The following BAZ2B variants were observed in gnomAD, a reference collection of about 807,000 sequenced individuals.
The protein encoded by BAZ2B is bromodomain adjacent to zinc finger domain 2B.
A neutral mutation model predicts 246.0 loss-of-function variants in BAZ2B; 91 were observed. That is an observed-to-expected ratio of 0.37 (90% CI 0.31 to 0.44). The LOEUF (loss-of-function observed/expected upper bound fraction) is 0.44, where lower values mean the gene tolerates loss of function less well. BAZ2B is among the 20% of genes least tolerant of loss of function. The probability of loss-of-function intolerance (pLI) is 1.00; values close to 1 mark genes in which losing one functional copy is unlikely to be tolerated. For missense variants in BAZ2B, 2,332 were observed against 2,533.7 expected (o/e 0.92, Z 1.71); for synonymous variants, 855 against 860.0 (o/e 0.99, Z 0.10).
At chr2:159,692,357 C>T in the BAZ2B span, among the ~76,000 whole-genome samples, 1 of 151,990 alleles carries the variant, frequency 6.6e-6, no homozygotes, top group African/African-American at 2.4e-5. Flanking sequence ...GGGGTTTCAC[C>T]ATGTTGGCCA....
intron 34 of BAZ2B, among the ~76,000 whole-genome samples, chr2:159,330,347 G>C (rs999598065): frequency 2.0e-5 from 3 of 152,162 alleles, no homozygotes; most frequent in African/African-American, 7.2e-5. Context: ...GAAGATTTGA[G>C]AAGAAGCAAA....
chr2:159,336,563 T>C (rs1331622288), intron 33 of BAZ2B, among the ~76,000 whole-genome samples: 2 of 152,152 alleles, frequency 1.3e-5, no homozygotes, highest in African/African-American at 4.8e-5. Flanking sequence ...AAATGAAAAC[T>C]GATAGAAAAA....
At chr2:159,491,604 C>G (rs1302762452) in intron 2 of BAZ2B, among the ~76,000 whole-genome samples, 2 of 147,746 alleles carry the variant, frequency 1.4e-5, no homozygotes. Context: ...GCCTGTAGTC[C>G]CAGCTACTTG....
chr2:159,642,996 C>A, the BAZ2B span, among the ~76,000 whole-genome samples: 1 of 152,200 alleles, frequency 6.6e-6, no homozygotes, highest in African/African-American at 2.4e-5. Context: ...GATAACTTCA[C>A]CAATACTAAG....
At chr2:159,700,052 A>G in the BAZ2B span, among the ~76,000 whole-genome samples, 1 of 152,222 alleles carries the variant, frequency 6.6e-6, no homozygotes, top group Non-Finnish European at 1.5e-5. Flanking sequence ...CTCTGCCCTT[A>G]TGACTTAATC....
chr2:159,423,979 A>T (rs1273941024), intron 13 of BAZ2B, among the ~76,000 whole-genome samples: 1 of 152,192 alleles, frequency 6.6e-6, no homozygotes, highest in Non-Finnish European at 1.5e-5. Context: ...CCGCTTAGCA[A>T]ACCTGTACAC....
intron 3 of BAZ2B, among the ~76,000 whole-genome samples, chr2:159,468,944 GGGA>G (rs2077424540): frequency 6.6e-6 from 1 of 151,660 alleles, no homozygotes; most frequent in South Asian, 2.1e-4. Flanking sequence ...ACATCTACTT[GGGA>G]GGCTGAGGCA....
intron 1 of BAZ2B, among the ~76,000 whole-genome samples, chr2:159,611,294 C>T (rs1011600877): frequency 1.3e-5 from 2 of 151,810 alleles, no homozygotes; most frequent in South Asian, 4.2e-4. Context: ...ACATTTCATA[C>T]ACAATTCAAT....
At chr2:159,551,670 ATTATT>A (rs1234281314) in intron 2 of BAZ2B, among the ~76,000 whole-genome samples, 1 of 152,152 alleles carries the variant, frequency 6.6e-6, no homozygotes, top group Non-Finnish European at 1.5e-5. Flanking sequence ...TAACCTCTGA[ATTATT>A]TTATTATACT....
At position 159,405,112 on chromosome 2, in the gene BAZ2B, T is replaced by C; in HGVS notation, c.2680A>G (p.Ile894Val). 6.2e-7 allele frequency: 1 copy of C among 1,613,970 alleles called. No homozygotes were observed. Among genetic ancestry groups the C allele is most frequent in the Non-Finnish European group, 8.5e-7 (1 of 1,179,954 alleles). ...TTTATTTGTGCTGCTTGCCTGGCTA[T>C]TTCTGAAAAACACAAAATTTCAAAG... ...KLLRKLQAQEIARQAAQIKLL... is the reference protein window; with the variant it reads ...KLLRKLQAQEVARQAAQIKLL... The change falls in exon 15 of 37, where the codon ATA becomes GTA. Residue 894 changes from isoleucine to valine, a missense_variant and splice_region_variant. Coordinates refer to ENST00000392783, the MANE Select transcript of BAZ2B (RefSeq NM_013450.4).
intron 2 of BAZ2B, among the ~76,000 whole-genome samples, chr2:159,481,351 C>A (rs1040445272): frequency 3.3e-5 from 5 of 151,598 alleles, no homozygotes; most frequent in African/African-American, 1.2e-4. Flanking sequence ...AAGAACTAGT[C>A]AAAGAACAGG....
chr2:159,679,990 A>G, the BAZ2B span, among the ~76,000 whole-genome samples: 1 of 152,192 alleles, frequency 6.6e-6, no homozygotes, highest in Non-Finnish European at 1.5e-5. Context: ...CTTAGGCAAA[A>G]TTATTCTCAA....
chr2:159,364,805 T>C (rs970511525), intron 27 of BAZ2B, among the ~76,000 whole-genome samples: 6 of 152,234 alleles, frequency 3.9e-5, no homozygotes, highest in African/African-American at 1.4e-4. Flanking sequence ...GCAGACGTTG[T>C]GTGACAGTGT....
At chr2:159,366,666 T>C (rs370200486) in intron 27 of BAZ2B, among the ~76,000 whole-genome samples, 1 of 152,340 alleles carries the variant, frequency 6.6e-6, no homozygotes, top group Admixed American at 6.5e-5. Flanking sequence ...TCACTGAAAT[T>C]AGTATTGCTT....
At chr2:159,518,701 A>C (rs1266602097) in intron 2 of BAZ2B, among the ~76,000 whole-genome samples, 2 of 152,226 alleles carry the variant, frequency 1.3e-5, no homozygotes, top group Non-Finnish European at 2.9e-5. Context: ...CCGTCTTTAA[A>C]ACTAATATGA....
intron 2 of BAZ2B, among the ~76,000 whole-genome samples, chr2:159,520,930 CCATT>C (rs1327993627): frequency 1.3e-5 from 2 of 152,176 alleles, no homozygotes; most frequent in Non-Finnish European, 2.9e-5. Context: ...TACTTTATTA[CCATT>C]CAAAGAATTC....
intron 6 of BAZ2B, among the ~76,000 whole-genome samples, chr2:159,442,203 AAGGG>A (rs1302669905): frequency 6.6e-6 from 1 of 152,222 alleles, no homozygotes; most frequent in African/African-American, 2.4e-5. Flanking sequence ...GCTGAGACCT[AAGGG>A]AGAGCAAGAG....
At chr2:159,325,279 C>T (rs572141623) in intron 35 of BAZ2B, among the ~76,000 whole-genome samples, 3 of 148,872 alleles carry the variant, frequency 2.0e-5, no homozygotes, top group South Asian at 4.3e-4. Flanking sequence ...TATGGGTGCA[C>T]GCCACTATAC....
intron 20 of BAZ2B, among the ~76,000 whole-genome samples, chr2:159,394,142 A>C (rs1046282053): frequency 6.6e-6 from 1 of 151,848 alleles, no homozygotes; most frequent in Non-Finnish European, 1.5e-5. Context: ...AAAAAAAAAA[A>C]CAAAACAAAA....
Sources: gnomAD v4.1 joint callset for allele counts (sites outside exome capture counted in the v4.1 genomes callset) on GRCh38, gnomAD v4.1.1 for gene constraint, MANE v1.5 for transcripts, NCBI Gene and HGNC (gene_info 2026-07-23, HGNC 2026-07-21) for gene names.